PTPRD: variants seen among roughly 807,000 people sequenced by gnomAD.
The protein encoded by PTPRD is protein tyrosine phosphatase receptor type D.
In PTPRD, 34 loss-of-function variants were observed where a neutral mutation model predicts 214.5. The ratio of observed to expected loss-of-function variants is 0.16; its 90% CI spans 0.12 to 0.21. The LOEUF is 0.21. Ranked by LOEUF, PTPRD falls within the 10% of genes least tolerant of loss-of-function variation. The pLI, the probability that PTPRD is intolerant of heterozygous loss-of-function variation, is 1.00. For synonymous variants in PTPRD, 1,128 were observed against 845.7 expected, an observed-to-expected ratio of 1.33 and a Z score of -5.79; for missense variants, 2,545 against 2,398.7, an observed-to-expected ratio of 1.06 and a Z score of -1.27.
chr9:9,409,864 A>T (rs1569568075), intron 8 of PTPRD, among the ~76,000 whole-genome samples: 1 of 152,008 alleles, frequency 6.6e-6, no homozygotes. Flanking sequence ...TTTTTTCGGC[A>T]TATACAATAC....
rs371898854 is a variant in PTPRD, at chr9:9,840,927, C to T, written c.-367-74076G>A. Among the ~76,000 whole-genome samples the T allele has an allele frequency of 4.6e-5, 7 of 151,962 alleles. No individual in the cohort carries two copies. In the East Asian group the frequency reaches 1.4e-3, roughly 29 times the overall value. On this transcript the variant is annotated intron_variant, in intron 5 of 45. Transcript: ENST00000381196. ...TATTCAGCAGATCCTGGGATCTGTA[C>T]TGTTCTTAAATAGAGATGGACAATA...
chr9:10,027,160 T>C (rs1172872931), intron 4 of PTPRD, among the ~76,000 whole-genome samples: 3 of 152,212 alleles, frequency 2.0e-5, no homozygotes, highest in Admixed American at 6.5e-5. Flanking sequence ...ATGTCTGCTA[T>C]AAATAAATAG....
chr9:8,356,237 G>A (rs1378932564), intron 39 of PTPRD, among the ~76,000 whole-genome samples: 1 of 152,022 alleles, frequency 6.6e-6, no homozygotes, highest in Non-Finnish European at 1.5e-5. Context: ...AACCCCAAAT[G>A]CGAGCAAATC....
At chr9:10,317,202 A>T (rs1030848738) in intron 3 of PTPRD, among the ~76,000 whole-genome samples, 2 of 151,958 alleles carry the variant, frequency 1.3e-5, no homozygotes, top group African/African-American at 4.8e-5. Flanking sequence ...AAACCATAAC[A>T]AAAATATAAT....
chr9:10,540,553 A>G (rs1380249139), intron 2 of PTPRD, among the ~76,000 whole-genome samples: 1 of 152,170 alleles, frequency 6.6e-6, no homozygotes. Context: ...ATTTCTGAAA[A>G]TATCTCATTT....
intron 14 of PTPRD, among the ~76,000 whole-genome samples, chr9:8,599,000 T>C (rs999449257): frequency 1.3e-5 from 2 of 152,184 alleles, no homozygotes; most frequent in African/African-American, 4.8e-5. Context: ...TCACCTTGAA[T>C]TGTAGCTCCC....
chr9:10,473,916 T>G (rs1367015217), intron 2 of PTPRD, among the ~76,000 whole-genome samples: 3 of 152,064 alleles, frequency 2.0e-5, no homozygotes, highest in Non-Finnish European at 2.9e-5. Context: ...TAGATTCCCC[T>G]TGAAAGGAAA....
At chr9:10,470,844 T>C (rs933176507) in intron 2 of PTPRD, among the ~76,000 whole-genome samples, 1 of 151,744 alleles carries the variant, frequency 6.6e-6, no homozygotes, top group Non-Finnish European at 1.5e-5. Context: ...AGATATGAAA[T>C]AAAATTATAA....
At position 10,111,151 on chromosome 9, in the gene PTPRD, T is replaced by G. The variant is rs534151317; in HGVS notation, c.-544-77361A>C. On this transcript the variant is annotated intron_variant, in intron 3 of 45. Coordinates refer to ENST00000381196, the MANE Select transcript of PTPRD (RefSeq NM_002839.4). ...ATTTTATTAGAATAAAATTAGATAA[T>G]GAATGCCATGACATTTTCCAAATAA... Among the ~76,000 whole-genome samples, 3 of 151,846 alleles carry G rather than the reference T, an allele frequency of 2.0e-5. No homozygotes were observed. The South Asian group carries it at 6.2e-4, about 32-fold the overall frequency.
At chr9:8,618,594 A>G (rs1046189786) in intron 14 of PTPRD, among the ~76,000 whole-genome samples, 1 of 152,088 alleles carries the variant, frequency 6.6e-6, no homozygotes, top group Admixed American at 6.6e-5. Flanking sequence ...GGAGTCATAA[A>G]ACACCAAGAC....
At chr9:9,645,212 G>C (rs1252771984) in intron 7 of PTPRD, among the ~76,000 whole-genome samples, 1 of 152,186 alleles carries the variant, frequency 6.6e-6, no homozygotes, top group Non-Finnish European at 1.5e-5. Flanking sequence ...CCCAGAGCGG[G>C]TCAAGGGAGC....
intron 8 of PTPRD, among the ~76,000 whole-genome samples, chr9:9,560,454 G>A (rs2082621212): frequency 6.6e-6 from 1 of 152,214 alleles, no homozygotes; most frequent in Non-Finnish European, 1.5e-5. Context: ...TTGGTGTTGT[G>A]CACCTCAGGT....
In PTPRD at chr9:9,189,021, T is replaced by C. The variant is rs1593197223; in HGVS notation, c.-202-5658A>G. Among the ~76,000 whole-genome samples the C allele has an allele frequency of 1.3e-5, 2 of 152,042 alleles. 1 individual carries two copies. The highest frequency in any genetic ancestry group is 1.3e-4 in the Admixed American group (2 of 15,228). Reference sequence around the variant, plus strand: ...GAAGAACTACTTAATATCAGTCTATTCTAAATTACATCTTATTCTTCTTTT... The same window carrying C: ...GAAGAACTACTTAATATCAGTCTATCCTAAATTACATCTTATTCTTCTTTT... On this transcript the variant is annotated intron_variant, in intron 9 of 45. Transcript: ENST00000381196.
chr9:8,449,805 C>T lies in PTPRD; in HGVS notation c.3908G>A (p.Ser1303Asn), dbSNP rs756024990. 16 of 1,613,864 alleles carry T rather than the reference C, an allele frequency of 9.9e-6. No individual in the cohort carries two copies. The Admixed American group carries it at 2.5e-4, about 25-fold the overall frequency. Reference protein sequence around the residue: ...KRAESDSRKSSIPNNKEIPSH... With the variant: ...KRAESDSRKSNIPNNKEIPSH... ...AGGGATCTCCTTATTGTTCGGTATG[C>T]TGCTTTTTCTAGAGTCGGACTCTGC... Residue 1303 changes from serine (S) to asparagine (N), a missense_variant, in exon 34 of 46, where the codon AGC becomes AAC. Ser to Asn is a conservative substitution (Grantham distance 46). Transcript: ENST00000381196.
chr9:10,439,603 A>G (rs1463746923), intron 2 of PTPRD, among the ~76,000 whole-genome samples: 1 of 151,942 alleles, frequency 6.6e-6, no homozygotes, highest in South Asian at 2.1e-4. Flanking sequence ...ATCAGGAAAA[A>G]AAAAGGTAAG....
chr9:8,532,372 A>G (rs2075931257), intron 14 of PTPRD, among the ~76,000 whole-genome samples: 1 of 152,050 alleles, frequency 6.6e-6, no homozygotes, highest in Non-Finnish European at 1.5e-5. Context: ...CACATTTATT[A>G]GTGATTTATA....
At position 10,275,774 on chromosome 9, in the gene PTPRD, T is replaced by A. The variant is rs554835437; in HGVS notation, c.-545+65189A>T. Among the ~76,000 whole-genome samples, 15 of 152,254 alleles carry A rather than the reference T, an allele frequency of 9.9e-5. No homozygotes were observed. The South Asian group carries it at 1.9e-3, about 19-fold the overall frequency. On this transcript the variant is annotated intron_variant, in intron 3 of 45. Coordinates refer to ENST00000381196, the MANE Select transcript of PTPRD (RefSeq NM_002839.4). ...GTTAACAAATCAGAGAGATGCAGCATAGAGGCAGGAAATGGTGGAGCCAAA... is the reference window on the plus strand; with the variant it reads ...GTTAACAAATCAGAGAGATGCAGCAAAGAGGCAGGAAATGGTGGAGCCAAA...
chr9:8,811,907 G>C (rs2096814709), intron 11 of PTPRD, among the ~76,000 whole-genome samples: 1 of 152,140 alleles, frequency 6.6e-6, no homozygotes, highest in African/African-American at 2.4e-5. Flanking sequence ...ACATCCACTT[G>C]GGTGGGGACT....
intron 14 of PTPRD, among the ~76,000 whole-genome samples, chr9:8,549,317 T>C (rs1319979721): frequency 1.3e-5 from 2 of 152,192 alleles, no homozygotes; most frequent in East Asian, 1.9e-4. Flanking sequence ...TCGTGAATGA[T>C]GGTAGGTCAG....
Sources: gnomAD v4.1 joint callset for allele counts (sites outside exome capture counted in the v4.1 genomes callset) on GRCh38, gnomAD v4.1.1 for gene constraint, MANE v1.5 for transcripts, NCBI Gene and HGNC (gene_info 2026-07-23, HGNC 2026-07-21) for gene names.